ADAMTSL1: variants seen among roughly 807,000 people sequenced by gnomAD.
The protein encoded by ADAMTSL1 is ADAMTS like 1.
ADAMTSL1 carries 126 observed loss-of-function variants against 201.8 expected under a neutral mutation model. The observed-to-expected ratio is 0.62, with a 90% CI of 0.54 to 0.72. The LOEUF (loss-of-function observed/expected upper bound fraction) is 0.72. ADAMTSL1 is among the 30% of genes least tolerant of loss of function. The probability of loss-of-function intolerance (pLI) is 0.00; values close to 1 mark genes in which losing one functional copy is unlikely to be tolerated. For synonymous variants in ADAMTSL1, 1,121 were observed against 903.4 expected (o/e 1.24, Z -4.32); for missense variants, 2,679 against 2,277.8 (o/e 1.18, Z -3.59).
rs554354349 is a variant in ADAMTSL1, at chr9:17,955,343, T to C, written c.87+48421T>C. ...CAAAGGGAAAGGAGGGCTTTTGTTC[T>C]GATGATTTTCTTGGTTTGCTGAGGC... On this transcript the variant is annotated intron_variant, in intron 1 of 29. Coordinates refer to the ADAMTSL1 transcript ENST00000680146. Among the ~76,000 whole-genome samples, 14 of 152,302 alleles carry C rather than the reference T, an allele frequency of 9.2e-5. No individual in the cohort carries two copies. In the South Asian group the frequency reaches 2.9e-3, roughly 32 times the overall value.
At chr9:18,187,124 A>G (rs1019810920) in intron 2 of ADAMTSL1, among the ~76,000 whole-genome samples, 1 of 152,074 alleles carries the variant, frequency 6.6e-6, no homozygotes, top group Non-Finnish European at 1.5e-5. Context: ...AGTAACTCAC[A>G]TTTGGAGTGA....
chr9:17,918,315 G>C (rs1012532872), intron 1 of ADAMTSL1, among the ~76,000 whole-genome samples: 3 of 145,892 alleles, frequency 2.1e-5, no homozygotes, highest in Non-Finnish European at 4.5e-5. Flanking sequence ...TGCTTTAGAG[G>C]CATATCATAA....
chr9:18,526,653 G>A (rs984321669), intron 2 of ADAMTSL1, among the ~76,000 whole-genome samples: 1 of 152,164 alleles, frequency 6.6e-6, no homozygotes, highest in Non-Finnish European at 1.5e-5. Context: ...AAATCTCTCA[G>A]CATTTGCTTG....
chr9:18,184,715 C>A (rs1034258807), intron 2 of ADAMTSL1, among the ~76,000 whole-genome samples: 1 of 152,080 alleles, frequency 6.6e-6, no homozygotes, highest in Non-Finnish European at 1.5e-5. Context: ...ATTTTCACAA[C>A]GCATCTATAG....
intron 1 of ADAMTSL1, among the ~76,000 whole-genome samples, chr9:18,159,360 A>G (rs1827290176): frequency 6.6e-6 from 1 of 152,068 alleles, no homozygotes. Context: ...CAGAAAAACT[A>G]AATGAAGAAA....
chr9:17,936,690 G>C (rs997324025), intron 1 of ADAMTSL1, among the ~76,000 whole-genome samples: 1 of 152,120 alleles, frequency 6.6e-6, no homozygotes, highest in African/African-American at 2.4e-5. Flanking sequence ...GAATACCAGA[G>C]GCAAGAGGCT....
intron 2 of ADAMTSL1, among the ~76,000 whole-genome samples, chr9:18,170,082 AC>A (rs140648475): frequency 0.035 from 5,298 of 152,100 alleles, 131 homozygotes; most frequent in Non-Finnish European, 0.057. Flanking sequence ...AAAATCTGTT[AC>A]CCTGTGGGGT....
intron 2 of ADAMTSL1, among the ~76,000 whole-genome samples, chr9:18,258,255 T>A (rs559028947): frequency 6.6e-6 from 1 of 152,224 alleles, no homozygotes; most frequent in African/African-American, 2.4e-5. Flanking sequence ...CAGAGTTCCT[T>A]TCTCAAACAA....
At chr9:18,199,893 T>G (rs1431556412) in intron 2 of ADAMTSL1, among the ~76,000 whole-genome samples, 1 of 94,376 alleles carries the variant, frequency 1.1e-5, no homozygotes, top group African/African-American at 3.6e-5. Flanking sequence ...CTTGCTAAAT[T>G]TTTTTTCCTG....
intron 2 of ADAMTSL1, among the ~76,000 whole-genome samples, chr9:18,386,461 G>A (rs1837794194): frequency 6.6e-6 from 1 of 152,092 alleles, no homozygotes; most frequent in Non-Finnish European, 1.5e-5. Context: ...CCACAAATTT[G>A]CTATCAGACT....
chr9:18,686,718 T>C (rs1471989586), intron 13 of ADAMTSL1, among the ~76,000 whole-genome samples: 3 of 152,212 alleles, frequency 2.0e-5, no homozygotes, highest in Non-Finnish European at 4.4e-5. Flanking sequence ...TGGTAAATAA[T>C]AATACAAAAT....
chr9:18,529,298 T>A (rs1050303628), intron 2 of ADAMTSL1, among the ~76,000 whole-genome samples: 6 of 152,212 alleles, frequency 3.9e-5, no homozygotes, highest in Non-Finnish European at 1.5e-5. Context: ...TATAAACTGA[T>A]ATAATAACAA....
chr9:18,498,922 C>G (rs930519657), intron 1 of ADAMTSL1, among the ~76,000 whole-genome samples: 2 of 152,244 alleles, frequency 1.3e-5, no homozygotes, highest in Non-Finnish European at 2.9e-5. Context: ...CCAGTTTTCC[C>G]TCACCATCAA....
At chr9:18,321,206 C>T (rs1448452783) in intron 2 of ADAMTSL1, among the ~76,000 whole-genome samples, 2 of 151,894 alleles carry the variant, frequency 1.3e-5, no homozygotes, top group Non-Finnish European at 2.9e-5. Context: ...ATATGTATCA[C>T]CCAATATAAA....
At chr9:18,878,815 A>AT (rs1828337285) in intron 23 of ADAMTSL1, among the ~76,000 whole-genome samples, 1 of 152,120 alleles carries the variant, frequency 6.6e-6, no homozygotes, top group African/African-American at 2.4e-5. Flanking sequence ...CCTATCTGCC[A>AT]TTTTTCCCCT....
chr9:18,411,299 C>T (rs754185292), intron 2 of ADAMTSL1, among the ~76,000 whole-genome samples: 15 of 151,952 alleles, frequency 9.9e-5, no homozygotes, highest in Non-Finnish European at 1.9e-4. Flanking sequence ...CAGACTCAAA[C>T]GACCCTTCCA....
chr9:17,981,700 TGTG>T (rs1428119952), intron 1 of ADAMTSL1, among the ~76,000 whole-genome samples: 3 of 152,178 alleles, frequency 2.0e-5, no homozygotes, highest in African/African-American at 7.2e-5. Context: ...TGCTTGCACT[TGTG>T]GTATAAATCT....
At chr9:18,221,888 G>A (rs1012638375) in intron 2 of ADAMTSL1, among the ~76,000 whole-genome samples, 5 of 151,954 alleles carry the variant, frequency 3.3e-5, no homozygotes, top group African/African-American at 1.2e-4. Flanking sequence ...TGTCAGGCAT[G>A]TTAGAATTTC....
At position 18,706,891 on chromosome 9, in the gene ADAMTSL1, A is replaced by G; in HGVS notation, c.1719A>G (p.Ala573=). 1.9e-6 allele frequency: 3 copies of G among 1,613,950 alleles called. No homozygotes were observed. Among genetic ancestry groups the G allele is most frequent in the African/African-American group, 2.7e-5 (2 of 75,046 alleles). The part of the protein sequence containing the change: ...PIDECEGPKP[A]SQRACYAGPC... ...ACGAGTGTGAAGGGCCCAAGCCAGC[A>G]TCCCAGCGTGCCTGTTATGCAGGCC... The change falls in exon 14 of 29, where the codon GCA becomes GCG. Residue 573 remains alanine (A), a synonymous_variant. Transcript: ENST00000380548.
Sources: allele counts gnomAD v4.1 joint callset (sites outside exome capture counted in the v4.1 genomes callset), GRCh38; gene constraint gnomAD v4.1.1; transcripts MANE v1.5; gene names NCBI Gene and HGNC (gene_info 2026-07-23, HGNC 2026-07-21).